The following WWOX variants were observed in gnomAD, a reference collection of about 807,000 sequenced individuals.
The protein encoded by WWOX is WW domain containing oxidoreductase.
Under a neutral mutation model 46.2 loss-of-function variants are expected in WWOX, and 69 were observed. The ratio of observed to expected loss-of-function variants is 1.49; its 90% CI spans 1.23 to 1.82. The LOEUF (loss-of-function observed/expected upper bound fraction) is 1.82. WWOX is among the 40% of genes most tolerant of loss of function. The pLI, the probability that WWOX is intolerant of heterozygous loss-of-function variation, is 0.00. For synonymous variants in WWOX, 359 were observed against 202.6 expected, an observed-to-expected ratio of 1.77 and a Z score of -6.56; for missense variants, 919 against 542.6, an observed-to-expected ratio of 1.69 and a Z score of -6.89.
chr16:78,897,920 A>G (rs1276965691), intron 8 of WWOX: 1 of 152,056 alleles, frequency 6.6e-6, no homozygotes, highest in African/African-American at 2.4e-5. Context: ...CCTAGTGACT[A>G]ATGCCTCTTT....
At chr16:78,552,517 G>C (rs1196955808) in intron 8 of WWOX, 1 of 152,220 alleles carries the variant, frequency 6.6e-6, no homozygotes, top group Non-Finnish European at 1.5e-5. Context: ...GTGAGGGAGC[G>C]ATGAGTAGAG....
At chr16:78,415,759 A>C (rs531182635) in intron 6 of WWOX, among the ~76,000 whole-genome samples, 1 of 152,290 alleles carries the variant, frequency 6.6e-6, no homozygotes, top group African/African-American at 2.4e-5. Context: ...TCTTGCCAGA[A>C]AGCCTGGCTC....
intron 8 of WWOX, chr16:78,896,068 G>A (rs1327073879): frequency 1.3e-5 from 2 of 152,014 alleles, no homozygotes; most frequent in African/African-American, 2.4e-5. Context: ...AGATATTTCT[G>A]AAAGGGCTCT....
intron 1 of WWOX, among the ~76,000 whole-genome samples, chr16:78,106,240 G>A (rs1235501541): frequency 6.6e-6 from 1 of 152,158 alleles, no homozygotes; most frequent in East Asian, 1.9e-4. Flanking sequence ...GAAGAAGCTT[G>A]AGACACAGCT....
intron 5 of WWOX, among the ~76,000 whole-genome samples, chr16:78,371,458 T>G (rs1438037290): frequency 6.6e-6 from 1 of 152,232 alleles, no homozygotes; most frequent in East Asian, 1.9e-4. Context: ...TAGTGTTCTG[T>G]AGCTCTTTTA....
intron 8 of WWOX, among the ~76,000 whole-genome samples, chr16:79,109,112 C>T (rs1444491554): frequency 1.3e-5 from 2 of 152,002 alleles, no homozygotes; most frequent in Non-Finnish European, 2.9e-5. Flanking sequence ...TACTCCAGAG[C>T]TCTTGACAAT....
At chr16:78,172,482 G>T (rs1316441140) in intron 5 of WWOX, among the ~76,000 whole-genome samples, 2 of 151,904 alleles carry the variant, frequency 1.3e-5, no homozygotes, top group South Asian at 2.1e-4. Context: ...ACTTGTGCTT[G>T]GTACTTATCC....
intron 8 of WWOX, among the ~76,000 whole-genome samples, chr16:78,455,603 A>C (rs2083795954): frequency 8.0e-6 from 1 of 124,488 alleles, no homozygotes; most frequent in South Asian, 2.5e-4. Context: ...AGATCATGCC[A>C]CTGCACTCCA....
At chr16:78,537,686 C>G (rs369716026) in intron 8 of WWOX, among the ~76,000 whole-genome samples, 1 of 151,940 alleles carries the variant, frequency 6.6e-6, no homozygotes, top group African/African-American at 2.4e-5. Flanking sequence ...GGAGTTAGAG[C>G]CAGGGTCCCA....
intron 8 of WWOX, among the ~76,000 whole-genome samples, chr16:78,864,569 C>CTGGATT (rs1241670027): frequency 6.6e-6 from 1 of 151,760 alleles, no homozygotes; most frequent in Non-Finnish European, 1.5e-5. Flanking sequence ...GCACCCAGCC[C>CTGGATT]TGGATTTGGC....
chr16:78,171,509 C>T (rs185613678), intron 5 of WWOX, among the ~76,000 whole-genome samples: 3 of 152,176 alleles, frequency 2.0e-5, no homozygotes, highest in East Asian at 3.9e-4. Flanking sequence ...GGGTAAAATA[C>T]GAGCCTCATG....
intron 8 of WWOX, among the ~76,000 whole-genome samples, chr16:78,769,868 A>C (rs1257648801): frequency 6.6e-6 from 1 of 151,496 alleles, no homozygotes; most frequent in East Asian, 1.9e-4. Context: ...AAAATAAAAA[A>C]ATAAAAATAA....
At chr16:78,110,280 C>G (rs1052750787) in intron 3 of WWOX, among the ~76,000 whole-genome samples, 1 of 139,100 alleles carries the variant, frequency 7.2e-6, no homozygotes, top group African/African-American at 2.8e-5. Context: ...GCGGAAGTTG[C>G]AGTGAGCTGA....
intron 8 of WWOX, among the ~76,000 whole-genome samples, chr16:78,522,514 C>G (rs1463372504): frequency 2.6e-5 from 4 of 152,316 alleles, no homozygotes; most frequent in Non-Finnish European, 4.4e-5. Flanking sequence ...TCTTCAGAAG[C>G]TGTCATATGA....
intron 5 of WWOX, among the ~76,000 whole-genome samples, chr16:78,341,980 G>C (rs2151900321): frequency 8.3e-6 from 1 of 120,342 alleles, no homozygotes; most frequent in East Asian, 1.9e-4. Context: ...GCTGGGCATG[G>C]TGGTGCTCAC....
rs369903717 is a variant in WWOX at position 78,913,599 on chromosome 16, C to T, written c.1057-298009C>T. ...TAGTTTTGGACTTGATGTGAGAAAT[C>T]TTTTACTGTATCATAGTAGCAAGCA... On this transcript the variant is annotated intron_variant, in intron 8 of 8. Transcript: ENST00000566780. Among the ~76,000 whole-genome samples, 397 of 151,864 alleles carry T rather than the reference C, an allele frequency of 2.6e-3. 3 individuals are homozygous for T. The highest frequency in any genetic ancestry group is 9.1e-3 in the African/African-American group (378 of 41,474).
chr16:78,783,858 C>CGCTGATGATGGTGATATGAT (rs2050390005), intron 8 of WWOX, among the ~76,000 whole-genome samples: 1 of 142,894 alleles, frequency 7.0e-6, no homozygotes, highest in Non-Finnish European at 1.5e-5. Flanking sequence ...GGTGATATGA[C>CGCTGATGATGGTGATATGAT]GCTGATGATG....
intron 5 of WWOX, among the ~76,000 whole-genome samples, chr16:78,373,717 T>G (rs1235696708): frequency 6.6e-6 from 1 of 152,298 alleles, no homozygotes; most frequent in East Asian, 1.9e-4. Context: ...ACTGATAAAT[T>G]TGAAATAATT....
At chr16:78,878,107 C>A (rs1413774507) in intron 8 of WWOX, among the ~76,000 whole-genome samples, 1 of 152,134 alleles carries the variant, frequency 6.6e-6, no homozygotes, top group Non-Finnish European at 1.5e-5. Flanking sequence ...AGTAAGTATC[C>A]ACTGGGGTTC....
Sources: allele counts gnomAD v4.1 joint callset (sites outside exome capture counted in the v4.1 genomes callset), GRCh38; gene constraint gnomAD v4.1.1; transcripts MANE v1.5; gene names NCBI Gene and HGNC (gene_info 2026-07-23, HGNC 2026-07-21).